Variants in CDH12 observed in about 807,000 individuals in gnomAD.
The protein encoded by CDH12 is cadherin 12, also known as cadherin-12.
CDH12 carries 41 observed loss-of-function variants against 74.1 expected under a neutral mutation model. That is an observed-to-expected ratio of 0.55 (90% CI 0.43 to 0.72). CDH12 has a LOEUF of 0.72. Among genes scored for constraint, CDH12 ranks in the 30% least tolerant of loss-of-function variants. The pLI is 0.00. For synonymous variants in CDH12, 399 were observed against 355.0 expected, an observed-to-expected ratio of 1.12 and a Z score of -1.39; for missense variants, 945 against 977.2, an observed-to-expected ratio of 0.97 and a Z score of 0.44.
At chr5:21,948,935 G>A (rs1580004547) in intron 6 of CDH12, among the ~76,000 whole-genome samples, 1 of 151,450 alleles carries the variant, frequency 6.6e-6, no homozygotes, top group Admixed American at 6.6e-5. Flanking sequence ...TCTCTCTCCT[G>A]TTGTCTTGTG....
intron 1 of CDH12, among the ~76,000 whole-genome samples, chr5:22,802,438 T>C (rs1372873259): frequency 6.6e-6 from 1 of 152,126 alleles, no homozygotes; most frequent in Non-Finnish European, 1.5e-5. Flanking sequence ...TAAATTCTAA[T>C]TTCTAAGAGT....
chr5:21,845,574 A>G (rs1750122653), intron 7 of CDH12, among the ~76,000 whole-genome samples: 1 of 94,782 alleles, frequency 1.1e-5, no homozygotes, highest in African/African-American at 4.3e-5. Flanking sequence ...TTTTTTTTTC[A>G]TGAAGCCTTT....
chr5:22,129,379 A>G (rs1746052683), intron 4 of CDH12, among the ~76,000 whole-genome samples: 1 of 152,180 alleles, frequency 6.6e-6, no homozygotes, highest in Admixed American at 6.6e-5. Flanking sequence ...CTACTATTAC[A>G]CTATACAAAT....
chr5:21,777,858 T>C (rs1338980174), intron 11 of CDH12, among the ~76,000 whole-genome samples: 1 of 152,200 alleles, frequency 6.6e-6, no homozygotes, highest in Non-Finnish European at 1.5e-5. Context: ...CCATGTACAA[T>C]ACACTGTTTT....
chr5:22,725,239 T>C (rs184426025), intron 1 of CDH12, among the ~76,000 whole-genome samples: 1 of 151,882 alleles, frequency 6.6e-6, no homozygotes, highest in Non-Finnish European at 1.5e-5. Flanking sequence ...AAGGATGAAA[T>C]AAAATATTAT....
chr5:22,024,979 T>C (rs1412890056), intron 5 of CDH12, among the ~76,000 whole-genome samples: 4 of 152,160 alleles, frequency 2.6e-5, no homozygotes, highest in Non-Finnish European at 5.9e-5. Context: ...TAAATACTTT[T>C]CAACAATTGT....
chr5:21,770,810 C>T (rs1367081266), intron 11 of CDH12, among the ~76,000 whole-genome samples: 2 of 151,978 alleles, frequency 1.3e-5, no homozygotes, highest in African/African-American at 4.8e-5. Flanking sequence ...AGAATAAACC[C>T]AAATGTCCAT....
At chr5:22,516,789 T>C (rs773982693) in intron 1 of CDH12, among the ~76,000 whole-genome samples, 1 of 152,066 alleles carries the variant, frequency 6.6e-6, no homozygotes, top group Non-Finnish European at 1.5e-5. Flanking sequence ...AGCGAGACCT[T>C]GTTTCAAAAT....
intron 8 of CDH12, among the ~76,000 whole-genome samples, chr5:21,819,195 A>G (rs1402209352): frequency 6.6e-6 from 1 of 152,012 alleles, no homozygotes; most frequent in African/African-American, 2.4e-5. Flanking sequence ...GGCTTTTGGA[A>G]CTACTTTCTT....
intron 1 of CDH12, among the ~76,000 whole-genome samples, chr5:22,773,170 A>G (rs978714645): frequency 6.6e-6 from 1 of 152,114 alleles, no homozygotes; most frequent in Non-Finnish European, 1.5e-5. Context: ...ATTCCTATAG[A>G]ATCAAAAAAG....
intron 1 of CDH12, among the ~76,000 whole-genome samples, chr5:22,573,617 G>A (rs531906313): frequency 6.6e-6 from 1 of 152,070 alleles, no homozygotes; most frequent in Non-Finnish European, 1.5e-5. Flanking sequence ...CAATTATTCA[G>A]GTCCATTTTA....
chr5:22,238,518 T>C (rs1300260936), intron 3 of CDH12, among the ~76,000 whole-genome samples: 2 of 152,096 alleles, frequency 1.3e-5, no homozygotes, highest in Non-Finnish European at 1.5e-5. Context: ...GCAAGTAAAG[T>C]TGTGGAAGAC....
intron 6 of CDH12, among the ~76,000 whole-genome samples, chr5:21,874,508 A>G (rs573475075): frequency 3.3e-4 from 50 of 152,212 alleles, no homozygotes; most frequent in Non-Finnish European, 4.8e-4. Context: ...TCTATCGCCT[A>G]AAAGCACAGG....
At chr5:21,960,854 T>C (rs1390368881) in intron 6 of CDH12, among the ~76,000 whole-genome samples, 1 of 152,084 alleles carries the variant, frequency 6.6e-6, no homozygotes, top group East Asian at 1.9e-4. Flanking sequence ...TTTTCACAAA[T>C]GTACATATTT....
chr5:22,357,022 A>G (rs1399767047), intron 3 of CDH12, among the ~76,000 whole-genome samples: 2 of 152,138 alleles, frequency 1.3e-5, no homozygotes, highest in African/African-American at 4.8e-5. Flanking sequence ...CTAGCTACAC[A>G]TATTAATTAG....
intron 3 of CDH12, among the ~76,000 whole-genome samples, chr5:22,245,139 A>AAATTTT: frequency 6.6e-6 from 1 of 152,314 alleles, no homozygotes; most frequent in Middle Eastern, 3.4e-3. Context: ...TTTGGATTTG[A>AAATTTT]AATTTTATTT....
intron 6 of CDH12, among the ~76,000 whole-genome samples, chr5:21,871,120 A>T (rs115783580): frequency 0.011 from 1,730 of 152,252 alleles, 32 homozygotes; most frequent in African/African-American, 0.038. Context: ...CAGAATTTTT[A>T]AAAAAATTTC....
chr5:22,809,750 C>A (rs2126444211), intron 1 of CDH12, among the ~76,000 whole-genome samples: 1 of 152,022 alleles, frequency 6.6e-6, no homozygotes, highest in East Asian at 1.9e-4. Context: ...AACAAAACCT[C>A]TTTTTTTAAG....
At chr5:22,736,557 C>T (rs575961898) in intron 1 of CDH12, among the ~76,000 whole-genome samples, 4 of 150,770 alleles carry the variant, frequency 2.7e-5, no homozygotes, top group East Asian at 1.9e-4. Context: ...TTAGAGTCAG[C>T]GTTTTTTTTT....
Sources: allele counts gnomAD v4.1 joint callset (sites outside exome capture counted in the v4.1 genomes callset), GRCh38; gene constraint gnomAD v4.1.1; transcripts MANE v1.5; gene names NCBI Gene and HGNC (gene_info 2026-07-23, HGNC 2026-07-21).